ABCA12: variants seen among roughly 807,000 people sequenced by gnomAD.
ABCA12 encodes ATP binding cassette subfamily A member 12.
Under a neutral mutation model 293.5 loss-of-function variants are expected in ABCA12, and 156 were observed. That is an observed-to-expected ratio of 0.53 (90% CI 0.47 to 0.61). The LOEUF is 0.61. ABCA12 is among the 20% of genes least tolerant of loss of function. The probability of loss-of-function intolerance (pLI) is 0.00; values close to 1 mark genes in which losing one functional copy is unlikely to be tolerated. For missense variants in ABCA12, 2,797 were observed against 3,090.2 expected (o/e 0.91, Z 2.25); for synonymous variants, 1,063 against 1,108.0 (o/e 0.96, Z 0.81).
chr2:214,958,339 ACTG>A lies in ABCA12; in HGVS notation c.6052_6054del (p.Gln2018del). On this transcript the variant is annotated inframe_deletion, in exon 41 of 53. Transcript: ENST00000272895. ...ACGCCAATGCCTGAAATGTGCTGCA[ACTG>A]TTTGGCTTTGGTTTGATGTTCCCTT... is the stretch of plus-strand genomic sequence containing the variant. 6.2e-7 allele frequency: 1 copy of A among 1,614,022 alleles called. No homozygotes were observed. Among genetic ancestry groups the A allele is most frequent in the Non-Finnish European group, 8.5e-7 (1 of 1,179,906 alleles).
At chr2:215,105,196 C>T (rs1702439407) in intron 2 of ABCA12, among the ~76,000 whole-genome samples, 1 of 152,098 alleles carries the variant, frequency 6.6e-6, no homozygotes, top group Non-Finnish European at 1.5e-5. Context: ...AAGACTGAAG[C>T]AGCAAACACT....
In ABCA12 at chr2:214,955,199, T is replaced by G; in HGVS notation, c.6393+3A>C. 1 of 1,613,982 alleles carries G rather than the reference T, an allele frequency of 6.2e-7. No individual in the cohort carries two copies. Among genetic ancestry groups the G allele is most frequent in the Non-Finnish European group, 8.5e-7 (1 of 1,179,902 alleles). On this transcript the variant is annotated splice_donor_region_variant and intron_variant, in intron 43 of 52. Coordinates refer to ENST00000272895, the MANE Select transcript of ABCA12 (RefSeq NM_173076.3). ...ATAAATTCACTGAAATAAGGGACCT[T>G]ACCGGATCATTAGGCTTTTCCTTGG...
At position 214,976,161 on chromosome 2, in the gene ABCA12, T is replaced by A. The variant is rs904815789; in HGVS notation, c.5129-124A>T. The A allele has an allele frequency of 2.9e-6, 4 of 1,361,084 alleles. No homozygotes were observed. The African/African-American group carries it at 5.8e-5, about 20-fold the overall frequency. 84.3% of individuals were successfully genotyped at this position (1,361,084 alleles called of 1,614,324 possible). On this transcript the variant is annotated intron_variant, in intron 33 of 52. Transcript: ENST00000272895. ...GGGAAAAGCTTTTAAAGATTTGGAT[T>A]TGAGGTTCAGCAATGTTATTTCTCA...
In ABCA12 at chr2:214,948,657, A is replaced by G. The variant is rs748209226; in HGVS notation, c.7043T>C (p.Val2348Ala). 1 of 1,613,966 alleles carries G rather than the reference A, an allele frequency of 6.2e-7. No homozygotes were observed. Among genetic ancestry groups the G allele is most frequent in the Non-Finnish European group, 8.5e-7 (1 of 1,179,972 alleles). ...GGCATAGAAATACAAATGTTCTTCC[A>G]CAGTTACCAGGTCATCTAAGGCATC... The part of the protein sequence containing the change: ...QEDALDDLVT[V>A]EEHLYFYARV... Residue 2348 changes from valine to alanine, a missense_variant, in exon 47 of 53, where the codon GTG becomes GCG. Coordinates refer to ENST00000272895, the MANE Select transcript of ABCA12 (RefSeq NM_173076.3).
chr2:215,102,512 T>C (rs755333095), intron 2 of ABCA12, among the ~76,000 whole-genome samples: 9 of 152,138 alleles, frequency 5.9e-5, no homozygotes, highest in African/African-American at 1.7e-4. Flanking sequence ...GGCAGGAGAA[T>C]TGCTTGAACC....
intron 2 of ABCA12, among the ~76,000 whole-genome samples, chr2:215,102,179 A>T (rs1702371975): frequency 6.6e-6 from 1 of 152,240 alleles, no homozygotes; most frequent in Non-Finnish European, 1.5e-5. Context: ...TACAGTATGC[A>T]CACTCGTACC....
Position 215,064,125 on chromosome 2 carries a change from G to C in ABCA12, c.258C>G (p.Pro86=), listed in dbSNP as rs1701590952. Residue 86 remains proline (P), a synonymous_variant, in exon 3 of 53, where the codon CCC becomes CCG. Transcript: ENST00000272895. ...CDTDSKCKDT[P]YGPQDLLRRK... ...TACGAAGCAGATCTTGTGGGCCATA[G>C]GGTGTGTCTTTGCATTTAGAGTCTG... 1.2e-6 allele frequency: 2 copies of C among 1,612,940 alleles called. No individual in the cohort carries two copies. The highest frequency in any genetic ancestry group is 8.5e-7 in the Non-Finnish European group (1 of 1,179,260).
At chr2:215,081,714 T>C (rs1575031323) in intron 2 of ABCA12, among the ~76,000 whole-genome samples, 1 of 152,150 alleles carries the variant, frequency 6.6e-6, no homozygotes, top group African/African-American at 2.4e-5. Flanking sequence ...TTTAAAAGTA[T>C]GTGTATATAG....
intron 39 of ABCA12, among the ~76,000 whole-genome samples, chr2:214,963,783 T>C (rs1214001420): frequency 6.6e-6 from 1 of 151,374 alleles, no homozygotes; most frequent in African/African-American, 2.4e-5. Flanking sequence ...TAGCCAGGCA[T>C]GTGGCAGGCA....
chr2:215,010,438 T>A lies in ABCA12; in HGVS notation c.2365A>T (p.Ile789Phe). The change falls in exon 18 of 53, where the codon ATT becomes TTT. Residue 789 changes from isoleucine (I) to phenylalanine (F), a missense_variant. By Grantham distance (21) the Ile-to-Phe change is conservative. This residue lies in a region of ABCA12 where 2,130 missense variants were observed against 2,427.0 expected (regional missense o/e 0.88). Coordinates refer to ENST00000272895, the MANE Select transcript of ABCA12 (RefSeq NM_173076.3). ...PFCFSLYKDI[I>F]NMPAGPVIWA... ...ATCACAGGTCCAGCGGGCATGTTAA[T>A]GATGTCTTTATAAAGGGAGAAGCAA... The A allele has an allele frequency of 6.2e-7, 1 of 1,613,802 alleles. No homozygotes were observed. The highest frequency in any genetic ancestry group is 8.5e-7 in the Non-Finnish European group (1 of 1,179,754).
chr2:215,045,188 A>T (rs1376668395), intron 7 of ABCA12, among the ~76,000 whole-genome samples: 1 of 152,174 alleles, frequency 6.6e-6, no homozygotes, highest in Non-Finnish European at 1.5e-5. Context: ...TATACAGGGC[A>T]ATCAAAACCT....
intron 2 of ABCA12, among the ~76,000 whole-genome samples, chr2:215,110,193 A>G (rs1702542809): frequency 6.6e-6 from 1 of 152,180 alleles, no homozygotes; most frequent in Admixed American, 6.5e-5. Context: ...AACTCAAATG[A>G]CTTGAGAAAA....
At chr2:215,064,361 A>C in intron 2 of ABCA12, 142 bp from the exon 3 acceptor site, 1 of 797,160 alleles carries the variant, frequency 1.3e-6, no homozygotes, top group Non-Finnish European at 2.1e-6. Flanking sequence ...CTCTGCAACT[A>C]ACACTCACCA....
intron 1 of ABCA12, among the ~76,000 whole-genome samples, chr2:215,125,809 T>C (rs561062880): frequency 6.6e-6 from 1 of 152,188 alleles, no homozygotes; most frequent in African/African-American, 2.4e-5. Context: ...CTGATTGCTC[T>C]GGCTAGGACT....
intron 3 of ABCA12, among the ~76,000 whole-genome samples, chr2:215,057,186 C>G (rs998719048): frequency 3.3e-5 from 5 of 152,006 alleles, no homozygotes; most frequent in Non-Finnish European, 5.9e-5. Context: ...AGAATTTCAG[C>G]TCTCTCTTCC....
At chr2:215,124,215 T>C (rs1702871638) in intron 1 of ABCA12, among the ~76,000 whole-genome samples, 1 of 152,244 alleles carries the variant, frequency 6.6e-6, no homozygotes, top group Non-Finnish European at 1.5e-5. Flanking sequence ...TTGTGCATTG[T>C]GCTGCTATAA....
chr2:215,136,046 T>C (rs1184593720), intron 1 of ABCA12, among the ~76,000 whole-genome samples: 3 of 152,212 alleles, frequency 2.0e-5, no homozygotes, highest in African/African-American at 7.2e-5. Flanking sequence ...GCCTCTGTAT[T>C]GTCCCAAATT....
At chr2:215,034,049 A>G (rs1387209478) in intron 8 of ABCA12, among the ~76,000 whole-genome samples, 1 of 152,216 alleles carries the variant, frequency 6.6e-6, no homozygotes, top group Admixed American at 6.5e-5. Context: ...ACCTCTTTTT[A>G]TCAGTAAGGA....
intron 2 of ABCA12, among the ~76,000 whole-genome samples, chr2:215,091,434 T>G (rs1444342173): frequency 6.6e-6 from 1 of 152,216 alleles, no homozygotes; most frequent in African/African-American, 2.4e-5. Flanking sequence ...ATGCTCCTTT[T>G]TCTTTAGCCG....
Sources: allele counts gnomAD v4.1 joint callset (sites outside exome capture counted in the v4.1 genomes callset), GRCh38; gene constraint gnomAD v4.1.1; regional missense constraint gnomAD v4.1.1; transcripts MANE v1.5; gene names NCBI Gene and HGNC (gene_info 2026-07-23, HGNC 2026-07-21).